The following SNTB2 variants were observed in gnomAD, a reference collection of about 807,000 sequenced individuals.
SNTB2 encodes the protein beta-2-syntrophin.
A neutral mutation model predicts 46.2 loss-of-function variants in SNTB2; 34 were observed. The ratio of observed to expected loss-of-function variants is 0.74; its 90% CI spans 0.56 to 0.98. SNTB2 has a LOEUF of 0.98. SNTB2 is among the 50% of genes least tolerant of loss of function. The pLI is 0.00. For missense variants in SNTB2, 603 were observed against 731.4 expected, an observed-to-expected ratio of 0.82 and a Z score of 2.02; for synonymous variants, 290 against 312.6, an observed-to-expected ratio of 0.93 and a Z score of 0.76.
At position 69,187,225 on chromosome 16, in the gene SNTB2, C is replaced by T. The variant is rs772400026; in HGVS notation, c.59C>T (p.Thr20Met). The T allele has an allele frequency of 5.5e-6, 8 of 1,444,478 alleles. No individual in the cohort carries two copies. Among genetic ancestry groups the T allele is most frequent in the Non-Finnish European group, 6.4e-6 (7 of 1,100,218 alleles). 89.5% of individuals were successfully genotyped at this position (1,444,478 alleles called of 1,614,324 possible). A position where few individuals can be genotyped will look rare whatever the true frequency, so the allele number is the denominator to read the frequency against. The change falls in exon 1 of 7, where the codon ACG becomes ATG. Residue 20 changes from threonine to methionine, a missense_variant. Coordinates refer to ENST00000336278, the MANE Select transcript of SNTB2 (RefSeq NM_006750.4). ...AGAGPAMAVW[T>M]RATKAGLVEL... ...GCGGGGCCGGCCATGGCGGTGTGGA[C>T]GCGGGCCACCAAAGCGGGGCTGGTG...
chr16:69,214,004 TA>T (rs1473972521), intron 1 of SNTB2, among the ~76,000 whole-genome samples: 2 of 150,264 alleles, frequency 1.3e-5, no homozygotes, highest in African/African-American at 4.9e-5. Flanking sequence ...TTGTAGTTTT[TA>T]GTAGAGATGG....
chr16:69,235,226 GT>G (rs1964547160), intron 1 of SNTB2, among the ~76,000 whole-genome samples: 2 of 150,992 alleles, frequency 1.3e-5, no homozygotes, highest in Non-Finnish European at 2.9e-5. Context: ...ATGAGCCACC[GT>G]TCCCGGACTT....
In SNTB2 at chr16:69,260,087, T is replaced by C; in HGVS notation, c.832T>C (p.Leu278=). ...ACATTCTCCTGATAGCAGGAACACG[T>C]TGATCCTACGCTGCAAAGATACAGC... The part of the protein sequence containing the change: ...ELHSPDSRNT[L]ILRCKDTATA... The change falls in exon 3 of 7, where the codon TTG becomes CTG. Residue 278 remains leucine, a synonymous_variant. Coordinates refer to ENST00000336278, the MANE Select transcript of SNTB2 (RefSeq NM_006750.4). 2 of 1,614,080 alleles carry C rather than the reference T, an allele frequency of 1.2e-6. No individual in the cohort carries two copies. The highest frequency in any genetic ancestry group is 1.7e-6 in the Non-Finnish European group (2 of 1,179,976).
chr16:69,220,203 C>T (rs1307248846), intron 1 of SNTB2, among the ~76,000 whole-genome samples: 1 of 138,058 alleles, frequency 7.2e-6, no homozygotes, highest in African/African-American at 2.8e-5. Flanking sequence ...TACTCGTTGC[C>T]CAGGCTGGAG....
intron 1 of SNTB2, among the ~76,000 whole-genome samples, chr16:69,239,949 G>A (rs1404319645): frequency 1.3e-5 from 2 of 152,132 alleles, no homozygotes; most frequent in Non-Finnish European, 2.9e-5. Flanking sequence ...AAGTTACTGA[G>A]TTATAAATAG....
intron 1 of SNTB2, among the ~76,000 whole-genome samples, chr16:69,210,142 C>T (rs908352875): frequency 2.0e-5 from 3 of 151,038 alleles, no homozygotes. Flanking sequence ...TCCTGCCTCA[C>T]CCTCCCAAGT....
intron 4 of SNTB2, among the ~76,000 whole-genome samples, chr16:69,281,335 G>C (rs890934927): frequency 3.3e-5 from 5 of 150,860 alleles, no homozygotes; most frequent in Non-Finnish European, 7.4e-5. Context: ...AGGTTCAAGC[G>C]ATTCTCCTGT....
At chr16:69,235,091 GC>G (rs1964545219) in intron 1 of SNTB2, among the ~76,000 whole-genome samples, 1 of 151,628 alleles carries the variant, frequency 6.6e-6, no homozygotes, top group African/African-American at 2.4e-5. Context: ...GCTCACTGCA[GC>G]CTCTGTCGCC....
chr16:69,279,125 T>C (rs889311954), intron 4 of SNTB2, among the ~76,000 whole-genome samples: 63 of 152,198 alleles, frequency 4.1e-4, no homozygotes, highest in African/African-American at 1.4e-3. Flanking sequence ...TCTAGAACTT[T>C]ATCTTGCAAA....
intron 2 of SNTB2, among the ~76,000 whole-genome samples, chr16:69,258,453 G>A (rs1455571496): frequency 6.6e-6 from 1 of 151,848 alleles, no homozygotes; most frequent in Non-Finnish European, 1.5e-5. Context: ...AATACAGATT[G>A]CTCTTGGTGA....
chr16:69,190,528 A>G (rs1964039774), intron 1 of SNTB2, among the ~76,000 whole-genome samples: 1 of 152,226 alleles, frequency 6.6e-6, no homozygotes, highest in Non-Finnish European at 1.5e-5. Flanking sequence ...AAATAAGTAC[A>G]GCAGAGGGCT....
chr16:69,210,810 T>C (rs1352491607), intron 1 of SNTB2, among the ~76,000 whole-genome samples: 1 of 151,954 alleles, frequency 6.6e-6, no homozygotes, highest in Non-Finnish European at 1.5e-5. Flanking sequence ...ATGGCCAATA[T>C]GGGGAAACCT....
chr16:69,246,121 T>C (rs760573631), intron 2 of SNTB2, among the ~76,000 whole-genome samples: 2 of 152,202 alleles, frequency 1.3e-5, no homozygotes, highest in African/African-American at 4.8e-5. Flanking sequence ...GTAATGTTGT[T>C]ATTACTTTTT....
intron 2 of SNTB2, among the ~76,000 whole-genome samples, chr16:69,256,180 C>G (rs763646199): frequency 5.3e-5 from 8 of 151,594 alleles, no homozygotes; most frequent in African/African-American, 1.7e-4. Flanking sequence ...AGCGAAACTC[C>G]GTCTCAAAAA....
At chr16:69,283,646 T>G (rs1965071746) in intron 4 of SNTB2, among the ~76,000 whole-genome samples, 1 of 152,220 alleles carries the variant, frequency 6.6e-6, no homozygotes, top group African/African-American at 2.4e-5. Flanking sequence ...TACTGTTAAT[T>G]TACTTATTTC....
chr16:69,292,264 C>G (rs1018393148), intron 5 of SNTB2, among the ~76,000 whole-genome samples: 2 of 146,648 alleles, frequency 1.4e-5, no homozygotes, highest in Non-Finnish European at 3.0e-5. Flanking sequence ...TACATAGACA[C>G]AAAGTGGATA....
intron 4 of SNTB2, among the ~76,000 whole-genome samples, chr16:69,276,511 A>G (rs186634679): frequency 9.2e-5 from 14 of 152,346 alleles, no homozygotes; most frequent in East Asian, 3.9e-4. Flanking sequence ...TAGAATATCT[A>G]TTGCTTTCAC....
chr16:69,191,915 A>G (rs988600230), intron 1 of SNTB2, among the ~76,000 whole-genome samples: 1 of 152,210 alleles, frequency 6.6e-6, no homozygotes, highest in African/African-American at 2.4e-5. Flanking sequence ...TGCTGGGATT[A>G]CAGGCATGAG....
rs930013004 is a variant in SNTB2 at position 69,300,251 on chromosome 16, CT to C, written c.1530+487del. 2.1e-3 allele frequency among the ~76,000 whole-genome samples: 312 copies of C among 148,502 alleles called. 1 individual carries two copies. Among genetic ancestry groups the C allele is most frequent in the African/African-American group, 7.2e-3 (292 of 40,476 alleles). ...GTTGGTTTTTGTTGCCGTCATTTTT[CT>C]TTTTTTTTTCTTTTTTGAGACGGAG... is the stretch of plus-strand genomic sequence containing the variant. On this transcript the variant is annotated intron_variant, in intron 6 of 6. Transcript: ENST00000336278.
Sources: allele counts gnomAD v4.1 joint callset (sites outside exome capture counted in the v4.1 genomes callset), GRCh38; gene constraint gnomAD v4.1.1; transcripts MANE v1.5; gene names NCBI Gene and HGNC (gene_info 2026-07-23, HGNC 2026-07-21).